Variants in USP10 observed in about 807,000 individuals in gnomAD.
USP10 encodes the protein ubiquitin carboxyl-terminal hydrolase 10.
In USP10, 22 loss-of-function variants were observed where a neutral mutation model predicts 84.5. That is an observed-to-expected ratio of 0.26 (90% CI 0.19 to 0.37). The LOEUF is 0.37. USP10 is among the 10% of genes least tolerant of loss of function. The probability of loss-of-function intolerance (pLI) is 1.00; values close to 1 mark genes in which losing one functional copy is unlikely to be tolerated. For missense variants in USP10, 1,019 were observed against 998.9 expected, an observed-to-expected ratio of 1.02 and a Z score of -0.27; for synonymous variants, 454 against 387.6, an observed-to-expected ratio of 1.17 and a Z score of -2.01.
At chr16:84,775,844 C>G (rs1356673130) in intron 13 of USP10, among the ~76,000 whole-genome samples, 1 of 152,148 alleles carries the variant, frequency 6.6e-6, no homozygotes. Context: ...CTTCCCTTTC[C>G]TTTCTGCCTT....
chr16:84,737,697 C>T (rs538257943), intron 2 of USP10, among the ~76,000 whole-genome samples: 2 of 152,330 alleles, frequency 1.3e-5, no homozygotes, highest in South Asian at 4.1e-4. Context: ...GCAGTGTCAC[C>T]TGCTGGCACT....
intron 1 of USP10, among the ~76,000 whole-genome samples, chr16:84,731,565 G>C (rs913035867): frequency 6.6e-6 from 1 of 151,686 alleles, no homozygotes; most frequent in African/African-American, 2.4e-5. Context: ...TTTCTCTTTT[G>C]CACTTGAAAA....
intron 4 of USP10, among the ~76,000 whole-genome samples, chr16:84,753,160 T>C (rs1912128786): frequency 6.6e-6 from 1 of 152,080 alleles, no homozygotes; most frequent in Non-Finnish European, 1.5e-5. Flanking sequence ...TTTTTATTTT[T>C]CATAGCAACA....
chr16:84,760,347 C>CT (rs1218407090), intron 8 of USP10, 72 bp downstream of exon 8: 12 of 1,356,568 alleles, frequency 8.8e-6, no homozygotes, highest in Non-Finnish European at 1.2e-5. Context: ...GTAACTGTTG[C>CT]TTATTGATAT....
Position 84,764,118 on chromosome 16 carries a change from T to C in USP10, c.1687T>C (p.Ser563Pro), listed in dbSNP as rs1374146325. The C allele has an allele frequency of 6.2e-7, 1 of 1,613,354 alleles. No individual in the cohort carries two copies. The highest frequency in any genetic ancestry group is 8.5e-7 in the Non-Finnish European group (1 of 1,179,658). ...LTISNGPKNH[S>P]VNEEEQEEQG... ...GATTTCCAACGGCCCCAAAAACCAC[T>C]CGGTCAATGAAGAAGAGCAGGAAGA... The change falls in exon 10 of 14, where the codon TCG (serine) becomes CCG (proline). Residue 563 changes from serine (S) to proline (P), a missense_variant. Physicochemically the swap from Ser to Pro is moderately conservative, Grantham distance 74 (BLOSUM62 -1). Transcript: ENST00000219473.
intron 5 of USP10, 106 bp from the exon 6 acceptor site, chr16:84,759,257 C>T: frequency 9.5e-7 from 1 of 1,048,644 alleles, no homozygotes; most frequent in Non-Finnish European, 1.5e-6. Flanking sequence ...AGTTCAACGT[C>T]CTTAGCTTCC....
At chr16:84,733,334 GC>G in intron 1 of USP10, 100 bp from the exon 2 acceptor site, 1 of 899,484 alleles carries the variant, frequency 1.1e-6, no homozygotes. Flanking sequence ...GGGGGTTATG[GC>G]CCAAATGTTG....
At chr16:84,718,487 G>T (rs972540331) in intron 1 of USP10, among the ~76,000 whole-genome samples, 2 of 152,120 alleles carry the variant, frequency 1.3e-5, no homozygotes, top group East Asian at 3.9e-4. Context: ...GGCCGGGTGC[G>T]GTGGCTCACG....
chr16:84,737,039 C>T lies in USP10; in HGVS notation c.91-3270C>T, dbSNP rs543490882. Among the ~76,000 whole-genome samples, 4 of 152,322 alleles carry T rather than the reference C, an allele frequency of 2.6e-5. No homozygotes were observed. In the South Asian group the frequency reaches 6.2e-4, roughly 24 times the overall value. ...TCCTGACCTCGTGGTCTGCCCGCCT[C>T]GGCTTCCCAAAGTGCTGGGATTACA... is the stretch of plus-strand genomic sequence containing the variant. On this transcript the variant is annotated intron_variant, in intron 2 of 13. Coordinates refer to ENST00000219473, the MANE Select transcript of USP10 (RefSeq NM_005153.3).
intron 1 of USP10, among the ~76,000 whole-genome samples, chr16:84,705,349 A>G (rs1905343453): frequency 6.6e-6 from 1 of 151,850 alleles, no homozygotes; most frequent in Non-Finnish European, 1.5e-5. Flanking sequence ...CTCCTGCCTC[A>G]GCCTCCTGAG....
intron 10 of USP10, among the ~76,000 whole-genome samples, chr16:84,767,304 C>G (rs964779730): frequency 1.3e-5 from 2 of 150,506 alleles, no homozygotes; most frequent in African/African-American, 4.9e-5. Flanking sequence ...ATGGGCCGAA[C>G]ACACAATTTT....
chr16:84,755,253 C>T (rs1369802187), intron 4 of USP10, among the ~76,000 whole-genome samples: 12 of 151,770 alleles, frequency 7.9e-5, no homozygotes, highest in African/African-American at 2.9e-4. Context: ...CTGGCATCTT[C>T]GCCCTAACTC....
At chr16:84,750,031 G>A (rs1335460695) in intron 4 of USP10, among the ~76,000 whole-genome samples, 1 of 152,192 alleles carries the variant, frequency 6.6e-6, no homozygotes, top group Non-Finnish European at 1.5e-5. Flanking sequence ...GCCCTGTCTT[G>A]CCGAGGGTTG....
intron 4 of USP10, among the ~76,000 whole-genome samples, chr16:84,750,638 T>C (rs1282236171): frequency 2.0e-5 from 3 of 152,212 alleles, no homozygotes; most frequent in Non-Finnish European, 2.9e-5. Flanking sequence ...ATTCCTCATA[T>C]ACTAGACGAA....
In USP10 at chr16:84,745,088, T is replaced by C. The variant is rs2326391; in HGVS notation, c.607T>C (p.Ser203Pro). ...DAEFMGDMPPSVTPRTCNSPQ... is the reference protein window; with the variant it reads ...DAEFMGDMPPPVTPRTCNSPQ... ...AGAATTTATGGGTGACATGCCCCCGTCAGTTACGCCCAGGACTTGTAACAG... is the reference window on the plus strand; with the variant it reads ...AGAATTTATGGGTGACATGCCCCCGCCAGTTACGCCCAGGACTTGTAACAG... The change falls in exon 4 of 14, where the codon TCA becomes CCA. Residue 203 changes from serine (S) to proline (P), a missense_variant. Ser to Pro is a moderately conservative substitution (Grantham distance 74, BLOSUM62 -1). This residue lies in a region of USP10 where 787 missense variants were observed against 708.8 expected (regional missense o/e 1.11). Coordinates refer to ENST00000219473, the MANE Select transcript of USP10 (RefSeq NM_005153.3). The C allele has an allele frequency of 0.17, 268,816 of 1,613,156 alleles. 27,399 individuals carry two copies. The highest frequency in any genetic ancestry group is 0.41 in the East Asian group (18,556 of 44,796).
chr16:84,775,090 G>T (rs765296014), intron 12 of USP10, 70 bp from the exon 13 acceptor site: 8 of 1,350,290 alleles, frequency 5.9e-6, no homozygotes, highest in Non-Finnish European at 7.4e-6. Context: ...AATGTTGTTA[G>T]CCATTTTCTG....
intron 2 of USP10, among the ~76,000 whole-genome samples, chr16:84,734,851 C>A (rs1284867022): frequency 6.6e-6 from 1 of 152,146 alleles, no homozygotes; most frequent in Admixed American, 6.5e-5. Flanking sequence ...GAACTCCCTG[C>A]CCCTGTGGCC....
chr16:84,743,043 C>T (rs1414144674), intron 3 of USP10, among the ~76,000 whole-genome samples: 2 of 152,150 alleles, frequency 1.3e-5, no homozygotes, highest in African/African-American at 4.8e-5. Context: ...CCCAGGCACA[C>T]CCGTTTCAAT....
intron 4 of USP10, among the ~76,000 whole-genome samples, chr16:84,753,552 C>G (rs760912022): frequency 2.0e-5 from 3 of 152,040 alleles, no homozygotes; most frequent in African/African-American, 7.3e-5. Flanking sequence ...CTTACCTGTT[C>G]CAGGTGCGGA....
Sources: allele counts gnomAD v4.1 joint callset (sites outside exome capture counted in the v4.1 genomes callset), GRCh38; gene constraint gnomAD v4.1.1; regional missense constraint gnomAD v4.1.1; transcripts MANE v1.5; gene names NCBI Gene and HGNC (gene_info 2026-07-23, HGNC 2026-07-21).